Variants in PHF10 observed in about 807,000 individuals in gnomAD.
The protein encoded by PHF10 is PHD finger protein 10.
A neutral mutation model predicts 68.5 loss-of-function variants in PHF10; 51 were observed. That is an observed-to-expected ratio of 0.74 (90% CI 0.59 to 0.94). The LOEUF (loss-of-function observed/expected upper bound fraction) is 0.94, where lower values mean the gene tolerates loss of function less well. PHF10 is among the 40% of genes least tolerant of loss of function. The probability of loss-of-function intolerance (pLI) is 0.00; values close to 1 mark genes in which losing one functional copy is unlikely to be tolerated. For missense variants in PHF10, 460 were observed against 602.6 expected (o/e 0.76, Z 2.48); for synonymous variants, 204 against 203.5 (o/e 1.00, Z -0.02).
intron 2 of PHF10, among the ~76,000 whole-genome samples, chr6:169,719,867 C>CT (rs1789136481): frequency 6.6e-6 from 1 of 151,850 alleles, no homozygotes; most frequent in Admixed American, 6.6e-5. Context: ...TACAGGGACA[C>CT]TATCAAGACA....
chr6:169,714,945 G>A lies in PHF10; in HGVS notation c.694-103C>T, dbSNP rs188843447. The stretch of plus-strand genomic sequence containing the variant: ...ACCACTGCACGCCCACTTCCCCCTC[G>A]AAAAGCTAAAATTTTAGGAGATATC... On this transcript the variant is annotated intron_variant, in intron 6 of 11. Transcript: ENST00000339209. 2.8e-4 allele frequency: 194 copies of A among 693,206 alleles called. 1 individual carries two copies. Among genetic ancestry groups the A allele is most frequent in the African/African-American group, 2.3e-3 (128 of 56,200 alleles). The allele number at this position is 693,206 out of a possible 1,614,324, so 42.9% of individuals were successfully genotyped here. A position where few individuals can be genotyped will look rare whatever the true frequency, so the allele number is the denominator to read the frequency against.
At chr6:169,709,946 T>C in intron 9 of PHF10, 1 of 199,032 alleles carries the variant, frequency 5.0e-6, no homozygotes, top group South Asian at 1.9e-4. Flanking sequence ...CTTCTGCCTA[T>C]GAAATAATGT....
At position 169,724,397 on chromosome 6, in the gene PHF10, C is replaced by CCGCGG. The variant is rs1789275470; in HGVS notation, c.-467_-466insCCGCG. Among the ~76,000 whole-genome samples, 5 of 90,516 alleles carry CCGCGG rather than the reference C, an allele frequency of 5.5e-5. No individual in the cohort carries two copies. The highest frequency in any genetic ancestry group is 1.1e-4 in the Non-Finnish European group (5 of 46,692). The allele number at this position is 90,516 out of a possible 152,430, so 59.4% of individuals were successfully genotyped here. A position where few individuals can be genotyped will look rare whatever the true frequency, so the allele number is the denominator to read the frequency against. On this transcript the variant is annotated 5_prime_UTR_variant, in exon 1 of 12. Transcript: ENST00000339209. ...CCCCGCGGCCGCCTCAGCCCCGCCG[C>CCGCGG]TCGCCTCAGCCCCGCCGCTCGCCTC...
intron 1 of PHF10, among the ~76,000 whole-genome samples, chr6:169,721,827 A>C (rs1204423359): frequency 6.6e-6 from 1 of 152,252 alleles, no homozygotes; most frequent in Non-Finnish European, 1.5e-5. Context: ...AAGTCTAAAA[A>C]TCATAATTTT....
chr6:169,713,143 C>T (rs1262786230), intron 7 of PHF10, among the ~76,000 whole-genome samples: 1 of 152,172 alleles, frequency 6.6e-6, no homozygotes, highest in African/African-American at 2.4e-5. Context: ...CTAGGTCAGA[C>T]AGCACTGCTT....
At position 169,717,428 on chromosome 6, in the gene PHF10, C is replaced by T. The variant is rs1466331635; in HGVS notation, c.409+395G>A. Among the ~76,000 whole-genome samples the T allele has an allele frequency of 3.3e-5, 5 of 152,206 alleles. No individual in the cohort carries two copies. The East Asian group carries it at 9.6e-4, about 29-fold the overall frequency. ...CTTACCCTAGCCTAACTTAAACATGCTCAGAAAACTTACATTAGCCTACAG... is the reference window on the plus strand; with the variant it reads ...CTTACCCTAGCCTAACTTAAACATGTTCAGAAAACTTACATTAGCCTACAG... On this transcript the variant is annotated intron_variant, in intron 4 of 11. Transcript: ENST00000339209.
chr6:169,712,595 T>G, intron 7 of PHF10, 56 bp from the exon 8 acceptor site: 1 of 1,476,198 alleles, frequency 6.8e-7, no homozygotes, highest in Non-Finnish European at 9.3e-7. Flanking sequence ...ATAAACAGAC[T>G]CATCTTTGAC....
At chr6:169,718,746 A>G (rs781007060) in intron 3 of PHF10, 42 bp downstream of exon 3, 1 of 1,107,686 alleles carries the variant, frequency 9.0e-7, no homozygotes, top group South Asian at 1.4e-5. Context: ...ATCATAAAGA[A>G]TTACTATCAA....
chr6:169,705,436 CAA>C (rs1788748287), intron 10 of PHF10, 115 bp from the exon 11 acceptor site: 3 of 771,800 alleles, frequency 3.9e-6, no homozygotes, highest in South Asian at 1.8e-5. Context: ...GTCAAATCGC[CAA>C]AGAGAAATGA....
chr6:169,719,522 T>C (rs1362464457), intron 2 of PHF10, among the ~76,000 whole-genome samples: 1 of 152,184 alleles, frequency 6.6e-6, no homozygotes, highest in African/African-American at 2.4e-5. Context: ...ATGGGCCAAT[T>C]CAACCTCTAT....
In PHF10 at chr6:169,714,815, T is replaced by C. The variant is rs1032317358; in HGVS notation, c.721A>G (p.Lys241Glu). 6.3e-7 allele frequency: 1 copy of C among 1,594,494 alleles called. No individual in the cohort carries two copies. Among genetic ancestry groups the C allele is most frequent in the Middle Eastern group, 1.7e-4 (1 of 6,014 alleles). Residue 241 changes from lysine to glutamate, a missense_variant, in exon 7 of 12, where the codon AAA becomes GAA. Lys to Glu is a moderately conservative substitution (Grantham distance 56, BLOSUM62 1). Coordinates refer to ENST00000339209, the MANE Select transcript of PHF10 (RefSeq NM_018288.4). The stretch of plus-strand genomic sequence containing the variant: ...TTTGTTCGCTCTGTTGGCAAAACTT[T>C]GTACTTCCCTTGAGGTACCTGGATA... The part of the protein sequence containing the change: ...HVIQVPQGKY[K>E]VLPTERTKVS...
At chr6:169,712,301 CA>C (rs1788941372) in intron 8 of PHF10, 84 bp downstream of exon 8, 1 of 1,138,208 alleles carries the variant, frequency 8.8e-7, no homozygotes, top group Non-Finnish European at 1.3e-6. Flanking sequence ...CATCCTTTTT[CA>C]AGGAGAGGGT....
At position 169,724,290 on chromosome 6, in the gene PHF10, TCCGCCGCTGGCCTCAGCG is replaced by T. The variant is rs1171080304; in HGVS notation, c.-377_-360del. Among the ~76,000 whole-genome samples the T allele has an allele frequency of 1.9e-5, 2 of 107,730 alleles. No individual in the cohort carries two copies. Among genetic ancestry groups the T allele is most frequent in the African/African-American group, 3.6e-5 (1 of 27,410 alleles). The allele number at this position is 107,730 out of a possible 152,430, so 70.7% of individuals were successfully genotyped here. A position where few individuals can be genotyped will look rare whatever the true frequency, so the allele number is the denominator to read the frequency against. On this transcript the variant is annotated 5_prime_UTR_variant, in exon 1 of 12. Transcript: ENST00000339209. ...CCTCAGCACCGTTGCCCCCCACAGC[TCCGCCGCTGGCCTCAGCG>T]CCGCCGCGACTCCCTTCAGCCCCGC...
intron 1 of PHF10, among the ~76,000 whole-genome samples, chr6:169,722,243 AAT>A (rs1789197866): frequency 6.6e-6 from 1 of 152,190 alleles, no homozygotes; most frequent in Non-Finnish European, 1.5e-5. Context: ...CAAATAGTAA[AAT>A]ATATATTCTT....
Position 169,715,764 on chromosome 6 carries a change from T to G in PHF10, c.637A>C (p.Asn213His). 6.2e-7 allele frequency: 1 copy of G among 1,613,344 alleles called. No homozygotes were observed. The highest frequency in any genetic ancestry group is 8.5e-7 in the Non-Finnish European group (1 of 1,179,932). The change falls in exon 6 of 12, where the codon AAC (asparagine) becomes CAC (histidine). Residue 213 changes from asparagine (N) to histidine (H), a missense_variant. Around this residue, in one of 3 missense-constraint regions of PHF10, gnomAD observed 256 missense variants for 410.5 expected, o/e 0.62. Transcript: ENST00000339209. ...AAKKAAEFNS[N>H]LNRERMEERR... ...TCTTCCATGCGTTCCCGGTTTAAGT[T>G]GCTATTAAATTCTGCTGCTTTTTTG...
intron 9 of PHF10, among the ~76,000 whole-genome samples, chr6:169,706,755 C>G (rs1172890878): frequency 6.6e-6 from 1 of 151,132 alleles, no homozygotes; most frequent in Admixed American, 6.6e-5. Flanking sequence ...CACACACACA[C>G]ACACACACAC....
intron 8 of PHF10, 27 bp downstream of exon 8, chr6:169,712,359 C>A: frequency 1.9e-6 from 3 of 1,598,684 alleles, no homozygotes. Flanking sequence ...AAAGGAAATG[C>A]TTCCTACTAG....
chr6:169,724,110 A>C lies in PHF10; in HGVS notation c.-179T>G, dbSNP rs1789264223. 1.6e-5 allele frequency: 2 copies of C among 123,690 alleles called. No individual in the cohort carries two copies. The highest frequency in any genetic ancestry group is 1.7e-5 in the Non-Finnish European group (1 of 58,270). The allele number at this position is 123,690 out of a possible 1,614,324, so 7.7% of individuals were successfully genotyped here. A position where few individuals can be genotyped will look rare whatever the true frequency, so the allele number is the denominator to read the frequency against. The stretch of plus-strand genomic sequence containing the variant: ...GCCGCCGCGCGCCCCGCGGCCCGCC[A>C]GCGCCGCCGCCACCGCCATGGCCGT... On this transcript the variant is annotated 5_prime_UTR_variant, in exon 1 of 12. Coordinates refer to ENST00000339209, the MANE Select transcript of PHF10 (RefSeq NM_018288.4).
chr6:169,711,071 T>A (rs1025174651), intron 8 of PHF10, among the ~76,000 whole-genome samples: 5 of 152,142 alleles, frequency 3.3e-5, no homozygotes, highest in African/African-American at 1.2e-4. Flanking sequence ...ATCTAGAGCC[T>A]CCCTGATAAA....
Sources: allele counts gnomAD v4.1 joint callset (sites outside exome capture counted in the v4.1 genomes callset), GRCh38; gene constraint gnomAD v4.1.1; regional missense constraint gnomAD v4.1.1; transcripts MANE v1.5; gene names NCBI Gene and HGNC (gene_info 2026-07-23, HGNC 2026-07-21).